BCAT1: variants seen among roughly 807,000 people sequenced by gnomAD.
The protein encoded by BCAT1 is branched chain amino acid transaminase 1.
Under a neutral mutation model 52.4 loss-of-function variants are expected in BCAT1, and 48 were observed. The observed-to-expected ratio is 0.92, with a 90% CI of 0.73 to 1.16. The LOEUF is 1.16. Ranked by LOEUF, BCAT1 falls within the 50% of genes most tolerant of loss-of-function variation. BCAT1 has a pLI of 0.00. For synonymous variants in BCAT1, 167 were observed against 161.3 expected (o/e 1.04, Z -0.27); for missense variants, 451 against 457.1 (o/e 0.99, Z 0.12).
chr12:24,822,468 C>T (rs979576565), intron 10 of BCAT1, among the ~76,000 whole-genome samples: 5 of 152,204 alleles, frequency 3.3e-5, no homozygotes, highest in African/African-American at 9.6e-5. Context: ...TCCATGCTCC[C>T]ATGTCATGCC....
intron 5 of BCAT1, among the ~76,000 whole-genome samples, chr12:24,857,794 G>T (rs541787471): frequency 4.6e-5 from 7 of 152,114 alleles, no homozygotes; most frequent in Non-Finnish European, 8.8e-5. Flanking sequence ...TACTTGTAGG[G>T]GTATCAGAAA....
Position 24,842,102 on chromosome 12 carries a change from T to C in BCAT1, c.797A>G (p.Tyr266Cys). The part of the protein sequence containing the change: ...TEVGTMNLFL[Y>C]WINEDGEEEL... ...ATTACCTCCATCTTCATTTATCCAG[T>C]AAAGAAAAAGATTCATAGTTCCCAC... Residue 266 changes from tyrosine to cysteine, a missense_variant, in exon 7 of 11, where the codon TAC (tyrosine) becomes TGC (cysteine). Coordinates refer to ENST00000261192, the MANE Select transcript of BCAT1 (RefSeq NM_005504.7). 1 of 1,613,772 alleles carries C rather than the reference T, an allele frequency of 6.2e-7. No homozygotes were observed. The highest frequency in any genetic ancestry group is 8.5e-7 in the Non-Finnish European group (1 of 1,179,780).
intron 5 of BCAT1, among the ~76,000 whole-genome samples, chr12:24,875,943 T>C (rs1591829564): frequency 6.6e-6 from 1 of 152,192 alleles, no homozygotes; most frequent in East Asian, 1.9e-4. Flanking sequence ...GCATTTAATA[T>C]ACCTAACCTA....
At chr12:24,915,876 G>A (rs897514992) in intron 1 of BCAT1, among the ~76,000 whole-genome samples, 18 of 152,122 alleles carry the variant, frequency 1.2e-4, no homozygotes, top group African/African-American at 4.3e-4. Flanking sequence ...ACCTCTCAAG[G>A]GCTGGGCACA....
chr12:24,871,331 T>A (rs749058362), intron 5 of BCAT1, among the ~76,000 whole-genome samples: 1 of 152,122 alleles, frequency 6.6e-6, no homozygotes, highest in Non-Finnish European at 1.5e-5. Flanking sequence ...AGTTAGGGAA[T>A]TGGGATACAA....
At position 24,884,753 on chromosome 12, in the gene BCAT1, T is replaced by C. The variant is rs1284299622; in HGVS notation, c.280-3342A>G. Among the ~76,000 whole-genome samples, 5 of 152,174 alleles carry C rather than the reference T, an allele frequency of 3.3e-5. No homozygotes were observed. In the East Asian group the frequency reaches 9.6e-4, roughly 29 times the overall value. On this transcript the variant is annotated intron_variant, in intron 3 of 10. Transcript: ENST00000261192. ...GCTAATACAACATGACTAAGTTGAA[T>C]TTATCCCAGAAATGGAGATTGGTTT...
intron 6 of BCAT1, among the ~76,000 whole-genome samples, chr12:24,847,366 T>C (rs1941377476): frequency 6.6e-6 from 1 of 152,206 alleles, no homozygotes; most frequent in African/African-American, 2.4e-5. Flanking sequence ...CACATTGACA[T>C]ACCATTATCA....
chr12:24,902,935 G>C (rs1474417203), intron 1 of BCAT1: 8 of 1,510,746 alleles, frequency 5.3e-6, no homozygotes, highest in Admixed American at 2.0e-5. Flanking sequence ...CAAACGCCCG[G>C]GTTCGAGGTA....
chr12:24,842,181 T>C lies in BCAT1; in HGVS notation c.718A>G (p.Asn240Asp). 1.2e-6 allele frequency: 2 copies of C among 1,613,898 alleles called. No homozygotes were observed. Residue 240 changes from asparagine to aspartate, a missense_variant, in exon 7 of 11, where the codon AAT becomes GAT. Physicochemically the swap from Asn to Asp is conservative, Grantham distance 23 (BLOSUM62 1). Coordinates refer to ENST00000261192, the MANE Select transcript of BCAT1 (RefSeq NM_005504.7). Reference sequence around the variant, plus strand: ...AGCCACAGGACCTGCTGACACCCATTATCTACTGCTTCACATTGGGCAAAA... The same window carrying C: ...AGCCACAGGACCTGCTGACACCCATCATCTACTGCTTCACATTGGGCAAAA... ...SLFAQCEAVD[N>D]GCQQVLWLYG...
chr12:24,827,687 G>A (rs1162285617), intron 10 of BCAT1, among the ~76,000 whole-genome samples: 1 of 152,182 alleles, frequency 6.6e-6, no homozygotes, highest in Non-Finnish European at 1.5e-5. Context: ...TGCTGTGTGG[G>A]AGGCTGAGGC....
At chr12:24,894,909 C>G (rs1228422178) in intron 2 of BCAT1, among the ~76,000 whole-genome samples, 2 of 152,144 alleles carry the variant, frequency 1.3e-5, no homozygotes, top group Non-Finnish European at 1.5e-5. Flanking sequence ...TGCTATTTAG[C>G]AATGGTTACA....
At chr12:24,821,206 T>A (rs1430837891) in intron 10 of BCAT1, among the ~76,000 whole-genome samples, 1 of 152,200 alleles carries the variant, frequency 6.6e-6, no homozygotes, top group African/African-American at 2.4e-5. Context: ...CAATAACCAC[T>A]AATAGTCATT....
At chr12:24,898,988 T>A (rs1943025956) in intron 2 of BCAT1, among the ~76,000 whole-genome samples, 1 of 152,246 alleles carries the variant, frequency 6.6e-6, no homozygotes, top group Admixed American at 6.5e-5. Context: ...TATGTTCATC[T>A]TTTGGAGATA....
intron 1 of BCAT1, among the ~76,000 whole-genome samples, chr12:24,915,003 A>G (rs951932756): frequency 1.3e-5 from 2 of 152,200 alleles, no homozygotes; most frequent in African/African-American, 4.8e-5. Flanking sequence ...AGTCATCCCA[A>G]CTTTTACCCA....
intron 6 of BCAT1, among the ~76,000 whole-genome samples, chr12:24,845,775 A>G (rs1591801963): frequency 6.6e-6 from 1 of 152,344 alleles, no homozygotes; most frequent in South Asian, 2.1e-4. Flanking sequence ...TAACTATTTC[A>G]GTGGGGTGTG....
chr12:24,905,701 C>T (rs773536405), intron 1 of BCAT1, among the ~76,000 whole-genome samples: 5 of 152,058 alleles, frequency 3.3e-5, no homozygotes, highest in Non-Finnish European at 7.4e-5. Flanking sequence ...TTACTAGTTA[C>T]ACTAAGAAGC....
intron 1 of BCAT1, among the ~76,000 whole-genome samples, chr12:24,926,353 G>A (rs2139732779): frequency 6.6e-6 from 1 of 151,310 alleles, no homozygotes; most frequent in Non-Finnish European, 1.5e-5. Context: ...GCCCCCGCCT[G>A]GCCAGCCGCC....
chr12:24,862,943 T>C (rs889366752), intron 5 of BCAT1, among the ~76,000 whole-genome samples: 1 of 152,230 alleles, frequency 6.6e-6, no homozygotes, highest in Non-Finnish European at 1.5e-5. Context: ...GGGCAATCCA[T>C]ACATAGGCAT....
intron 2 of BCAT1, among the ~76,000 whole-genome samples, chr12:24,901,316 A>G (rs1943096219): frequency 6.6e-6 from 1 of 152,216 alleles, no homozygotes; most frequent in African/African-American, 2.4e-5. Flanking sequence ...AAAAAATAAT[A>G]TTACATCTTA....
Sources: gnomAD v4.1 joint callset for allele counts (sites outside exome capture counted in the v4.1 genomes callset) on GRCh38, gnomAD v4.1.1 for gene constraint, MANE v1.5 for transcripts, NCBI Gene and HGNC (gene_info 2026-07-23, HGNC 2026-07-21) for gene names.